PRR16: variants seen among roughly 807,000 people sequenced by gnomAD.
The protein encoded by PRR16 is protein Largen.
Under a neutral mutation model 18.2 loss-of-function variants are expected in PRR16, and 6 were observed. That is an observed-to-expected ratio of 0.33 (90% CI 0.18 to 0.65). The LOEUF (loss-of-function observed/expected upper bound fraction) is 0.65. PRR16 is among the 30% of genes least tolerant of loss of function. The pLI, the probability that PRR16 is intolerant of heterozygous loss-of-function variation, is 0.74. For synonymous variants in PRR16, 151 were observed against 147.8 expected, an observed-to-expected ratio of 1.02 and a Z score of -0.16; for missense variants, 412 against 376.6, an observed-to-expected ratio of 1.09 and a Z score of -0.78.
chr5:120,549,447 T>G (rs746355446), intron 1 of PRR16, among the ~76,000 whole-genome samples: 1 of 151,960 alleles, frequency 6.6e-6, no homozygotes, highest in Non-Finnish European at 1.5e-5. Context: ...TTCCAATGTG[T>G]CCTTCCATTA....
intron 1 of PRR16, among the ~76,000 whole-genome samples, chr5:120,633,001 A>C (rs1330121558): frequency 1.3e-5 from 2 of 152,206 alleles, no homozygotes; most frequent in Admixed American, 1.3e-4. Flanking sequence ...GTAACCTACA[A>C]AGGAAAACCT....
intron 1 of PRR16, among the ~76,000 whole-genome samples, chr5:120,640,319 A>C (rs1452898343): frequency 2.0e-5 from 3 of 151,916 alleles, no homozygotes; most frequent in East Asian, 3.9e-4. Context: ...AAAAATTCTC[A>C]TGGTCATTTT....
At chr5:120,733,350 A>C in the PRR16 span, among the ~76,000 whole-genome samples, 4 of 152,002 alleles carry the variant, frequency 2.6e-5, no homozygotes, top group Non-Finnish European at 5.9e-5. Flanking sequence ...GGGTCTCACT[A>C]TGGTGCCCAG....
chr5:120,489,781 T>C (rs953418476), intron 1 of PRR16, among the ~76,000 whole-genome samples: 3 of 152,196 alleles, frequency 2.0e-5, no homozygotes, highest in African/African-American at 4.8e-5. Flanking sequence ...GTTTTTGCAG[T>C]GGCTGGTACC....
chr5:120,650,090 C>T (rs976861767), intron 1 of PRR16, among the ~76,000 whole-genome samples: 3 of 151,706 alleles, frequency 2.0e-5, no homozygotes, highest in Non-Finnish European at 4.4e-5. Context: ...TGGCAGCGCG[C>T]GTCTGTAGTG....
At chr5:120,617,769 T>G (rs1184436020) in intron 1 of PRR16, among the ~76,000 whole-genome samples, 1 of 152,196 alleles carries the variant, frequency 6.6e-6, no homozygotes, top group East Asian at 1.9e-4. Flanking sequence ...TGCACAGAAT[T>G]CATTCATGAC....
chr5:120,709,831 CAAT>C, the PRR16 span, among the ~76,000 whole-genome samples: 1 of 152,092 alleles, frequency 6.6e-6, no homozygotes, highest in African/African-American at 2.4e-5. Context: ...TTTTATTGCT[CAAT>C]AATATTCCAT....
At chr5:120,659,735 A>G (rs541706696) in intron 1 of PRR16, among the ~76,000 whole-genome samples, 1 of 152,048 alleles carries the variant, frequency 6.6e-6, no homozygotes, top group East Asian at 1.9e-4. Context: ...TCTTGTATTT[A>G]TACTTGAACG....
intron 1 of PRR16, among the ~76,000 whole-genome samples, chr5:120,478,010 G>A (rs547201076): frequency 1.4e-4 from 22 of 152,082 alleles, no homozygotes; most frequent in Non-Finnish European, 2.5e-4. Context: ...TTTATATACC[G>A]AACAATTTAT....
the PRR16 span, among the ~76,000 whole-genome samples, chr5:120,700,927 G>GAGT: frequency 6.6e-6 from 1 of 152,170 alleles, no homozygotes; most frequent in South Asian, 2.1e-4. Context: ...GGGGCTCTGG[G>GAGT]AGTGGCTGCC....
At chr5:120,725,948 C>A in the PRR16 span, among the ~76,000 whole-genome samples, 1 of 152,056 alleles carries the variant, frequency 6.6e-6, no homozygotes, top group Non-Finnish European at 1.5e-5. Context: ...TCCATCCTCT[C>A]TGAGACTCCA....
intron 1 of PRR16, among the ~76,000 whole-genome samples, chr5:120,562,876 T>C (rs1752619700): frequency 6.6e-6 from 1 of 152,192 alleles, no homozygotes; most frequent in South Asian, 2.1e-4. Flanking sequence ...TATTTTTTAC[T>C]GGTTCATTAG....
chr5:120,639,495 T>A (rs975905672), intron 1 of PRR16, among the ~76,000 whole-genome samples: 1 of 152,106 alleles, frequency 6.6e-6, no homozygotes, highest in Non-Finnish European at 1.5e-5. Context: ...CTGTTCTAAT[T>A]CTTTTTTGCC....
chr5:120,561,458 T>C (rs1260769123), intron 1 of PRR16, among the ~76,000 whole-genome samples: 1 of 152,214 alleles, frequency 6.6e-6, no homozygotes, highest in East Asian at 1.9e-4. Flanking sequence ...TCCAGTCTCA[T>C]TTCATTGTGG....
chr5:120,751,672 T>A, the PRR16 span, among the ~76,000 whole-genome samples: 2 of 152,148 alleles, frequency 1.3e-5, no homozygotes, highest in Non-Finnish European at 2.9e-5. Flanking sequence ...ACTTCAAATA[T>A]GAACATGCTT....
At chr5:120,709,150 G>A in the PRR16 span, among the ~76,000 whole-genome samples, 1 of 151,150 alleles carries the variant, frequency 6.6e-6, no homozygotes, top group African/African-American at 2.4e-5. Context: ...TGGGACTACA[G>A]GCGCCCGTCA....
At position 120,569,936 on chromosome 5, in the gene PRR16, G is replaced by T. The variant is rs564510455; in HGVS notation, c.159+105291G>T. Among the ~76,000 whole-genome samples, 7 of 152,246 alleles carry T rather than the reference G, an allele frequency of 4.6e-5. No individual in the cohort carries two copies. The East Asian group carries it at 9.7e-4, about 21-fold the overall frequency. On this transcript the variant is annotated intron_variant, in intron 1 of 1. Coordinates refer to ENST00000407149, the MANE Select transcript of PRR16 (RefSeq NM_001300783.2). ...TTAAAGAAAAAGAAAAATGGAGATTGTTAGATCATAAAAGCTTGCAATTCC... is the reference window on the plus strand; with the variant it reads ...TTAAAGAAAAAGAAAAATGGAGATTTTTAGATCATAAAAGCTTGCAATTCC...
At chr5:120,523,564 A>G (rs1751255873) in intron 1 of PRR16, among the ~76,000 whole-genome samples, 1 of 152,172 alleles carries the variant, frequency 6.6e-6, no homozygotes, top group African/African-American at 2.4e-5. Context: ...AGTGACATTC[A>G]CTGAAGAAAA....
At chr5:120,763,153 A>AT in the PRR16 span, among the ~76,000 whole-genome samples, 889 of 117,990 alleles carry the variant, frequency 7.5e-3, 7 homozygotes, top group Non-Finnish European at 0.012. Flanking sequence ...TTTAATAGCA[A>AT]TTTTTTTTTT....
Sources: gnomAD v4.1 joint callset for allele counts (sites outside exome capture counted in the v4.1 genomes callset) on GRCh38, gnomAD v4.1.1 for gene constraint, MANE v1.5 for transcripts, NCBI Gene and HGNC (gene_info 2026-07-23, HGNC 2026-07-21) for gene names.